Variants in IFI27 observed in about 807,000 individuals in gnomAD.
The protein encoded by IFI27 is interferon alpha-inducible protein 27, mitochondrial.
IFI27 carries 3 observed loss-of-function variants against 8.9 expected under a neutral mutation model. The ratio of observed to expected loss-of-function variants is 0.34; its 90% CI spans 0.15 to 0.87. IFI27 has a LOEUF of 0.87. Ranked by LOEUF, IFI27 falls within the 40% of genes least tolerant of loss-of-function variation. The pLI is 0.51. For synonymous variants in IFI27, 66 were observed against 67.3 expected (o/e 0.98, Z 0.09); for missense variants, 152 against 157.7 (o/e 0.96, Z 0.19).
Position 94,116,218 on chromosome 14 carries a change from G to A in IFI27, c.284-224G>A, listed in dbSNP as rs1335708929. ...GGTGCAGCCTCCTTCCCTGAAGAGCGAGGCTGCTTCTAGCTCTGGAGTTCA... is the reference window on the plus strand; with the variant it reads ...GGTGCAGCCTCCTTCCCTGAAGAGCAAGGCTGCTTCTAGCTCTGGAGTTCA... On this transcript the variant is annotated intron_variant, in intron 4 of 4. Transcript: ENST00000621160. This position sits in a 1 kb window ranked among gnomAD's most constrained non-coding sequence, Gnocchi z 4.3. 1.5e-6 allele frequency: 1 copy of A among 665,808 alleles called. No individual in the cohort carries two copies. The highest frequency in any genetic ancestry group is 1.8e-5 in the African/African-American group (1 of 56,292). 41.2% of individuals were successfully genotyped at this position (665,808 alleles called of 1,614,324 possible).
At chr14:94,114,079 G>C (rs1237298953) in intron 2 of IFI27, 1 of 152,474 alleles carries the variant, frequency 6.6e-6, no homozygotes, top group Non-Finnish European at 1.5e-5. Flanking sequence ...GCAAGGATGA[G>C]TTCTGCCTGG....
chr14:94,107,139 G>A (rs1043145741), upstream of IFI27, among the ~76,000 whole-genome samples: 6 of 151,826 alleles, frequency 4.0e-5, no homozygotes, highest in Admixed American at 6.6e-5. Flanking sequence ...GCACAATCTC[G>A]GTTCACTTCA....
Position 94,111,147 on chromosome 14 carries a change from G to A in IFI27, c.-59+350G>A, listed in dbSNP as rs190406714. Among the ~76,000 whole-genome samples the A allele has an allele frequency of 6.6e-6, 1 of 152,330 alleles. No homozygotes were observed. The highest frequency in any genetic ancestry group is 1.9e-4 in the East Asian group (1 of 5,174). ...TTCCCTATGGAAAGCTTCTGACCTG[G>A]AGCAAATCACTGAGCCAGATCGCGC... On this transcript the variant is annotated intron_variant, in intron 1 of 4. Coordinates refer to ENST00000621160, the Ensembl canonical transcript of IFI27. This position sits in a 1 kb window ranked among gnomAD's most constrained non-coding sequence, Gnocchi z 4.3.
Position 94,115,832 on chromosome 14 carries a change from C to T in IFI27, c.173C>T (p.Ala58Val), listed in dbSNP as rs148184733. Residue 58 changes from alanine (A) to valine (V), a missense_variant, in exon 4 of 5, where the codon GCG becomes GTG. Ala to Val is a moderately conservative substitution (Grantham distance 64). Transcript: ENST00000621160. ...GTGCTCAGTGCCATGGGCTTCACTGCGGCGGGAATCGCCTCGTCCTCCATA... is the reference window on the plus strand; with the variant it reads ...GTGCTCAGTGCCATGGGCTTCACTGTGGCGGGAATCGCCTCGTCCTCCATA... 300 of 1,601,982 alleles carry T rather than the reference C, an allele frequency of 1.9e-4. 1 individual carries two copies. The highest frequency in any genetic ancestry group is 1.5e-4 in the African/African-American group (11 of 74,756).
At chr14:94,114,695 C>G in intron 2 of IFI27, 156 bp from the exon 3 acceptor site, 1 of 695,020 alleles carries the variant, frequency 1.4e-6, no homozygotes. Flanking sequence ...ATTTCCACTT[C>G]CCGAAATGAA....
intron 2 of IFI27, among the ~76,000 whole-genome samples, chr14:94,112,694 T>G (rs574889425): frequency 6.6e-6 from 1 of 152,378 alleles, no homozygotes; most frequent in Admixed American, 6.5e-5. Context: ...TTGCTGACCC[T>G]GTCATCCTCA....
At chr14:94,105,975 A>AG (rs1887009930), upstream of IFI27, 1 of 152,212 alleles carries the variant, frequency 6.6e-6, no homozygotes, top group African/African-American at 2.4e-5. Context: ...TGCTGTAACA[A>AG]AATACCATAG....
upstream of IFI27, among the ~76,000 whole-genome samples, chr14:94,109,441 A>T (rs1333577977): frequency 5.0e-5 from 7 of 141,066 alleles, no homozygotes; most frequent in African/African-American, 1.8e-4. Context: ...GAAGAAAAAA[A>T]GTTTATTGGT....
rs1186947916 is a variant in IFI27 at position 94,111,757 on chromosome 14, C to T, written c.75C>T (p.Ala25=). The change falls in exon 2 of 5, where the codon GCC becomes GCT. Residue 25 remains alanine, a synonymous_variant. Transcript: ENST00000621160. The surrounding 1 kb of genome is among the most constrained non-coding windows in gnomAD (Gnocchi z 4.3). ...TGGTCAGGGTGGCCTCTGGCTCTGC[C>T]GTAGTTTTGCCCCTGGGTGAGTGTT... is the stretch of plus-strand genomic sequence containing the variant. 1.5e-5 allele frequency: 25 copies of T among 1,613,844 alleles called. No individual in the cohort carries two copies. The East Asian group carries it at 2.0e-4, about 13-fold the overall frequency.
chr14:94,115,917 C>G, exon 4 of IFI27: 1 of 1,588,064 alleles, frequency 6.3e-7, no homozygotes, highest in Non-Finnish European at 8.6e-7. Context: ...CCTCGGGCAG[C>G]CTTGTGGCTA....
intron 2 of IFI27, chr14:94,113,594 C>T (rs1379747131): frequency 6.6e-6 from 1 of 152,298 alleles, no homozygotes; most frequent in Admixed American, 6.5e-5. Context: ...AAATAATGGC[C>T]AGGCTACTCC....
Position 94,116,039 on chromosome 14 carries a change from C to G in IFI27, c.283+97C>G, listed in dbSNP as rs1352176089. 8.4e-7 allele frequency: 1 copy of G among 1,191,102 alleles called. No homozygotes were observed. Among genetic ancestry groups the G allele is most frequent in the Non-Finnish European group, 1.2e-6 (1 of 827,656 alleles). 73.8% of individuals were successfully genotyped at this position (1,191,102 alleles called of 1,614,324 possible). A position where few individuals can be genotyped will look rare whatever the true frequency, so the allele number is the denominator to read the frequency against. On this transcript the variant is annotated intron_variant, in intron 4 of 4. Transcript: ENST00000621160. This position sits in a 1 kb window ranked among gnomAD's most constrained non-coding sequence, Gnocchi z 4.3. ...TCTCAACCCTATGAACCTCAATCTC[C>G]CTGTTCCTCTGTCTCTCTCTACACA... is the stretch of plus-strand genomic sequence containing the variant.
intron 4 of IFI27, 28 bp downstream of exon 4, chr14:94,115,970 G>A: frequency 1.3e-6 from 2 of 1,552,176 alleles, no homozygotes; most frequent in South Asian, 1.2e-5. Flanking sequence ...GCTTGCTGGG[G>A]AGGGCGATGA....
Position 94,116,249 on chromosome 14 carries a change from G to T in IFI27, c.284-193G>T. The stretch of plus-strand genomic sequence containing the variant: ...GCTTCTAGCTCTGGAGTTCACCATG[G>T]GGGTTCATGCCTGCAGCAGCCTCTC... On this transcript the variant is annotated intron_variant, in intron 4 of 4. Coordinates refer to ENST00000621160, the Ensembl canonical transcript of IFI27. This position sits in a 1 kb window ranked among gnomAD's most constrained non-coding sequence, Gnocchi z 4.3. 1 of 648,306 alleles carries T rather than the reference G, an allele frequency of 1.5e-6. No homozygotes were observed. The highest frequency in any genetic ancestry group is 2.3e-5 in the Admixed American group (1 of 43,746). 40.2% of individuals were successfully genotyped at this position (648,306 alleles called of 1,614,324 possible). A position where few individuals can be genotyped will look rare whatever the true frequency, so the allele number is the denominator to read the frequency against.
chr14:94,115,757 C>A (rs753192420), intron 3 of IFI27, 24 bp from the exon 4 acceptor site: 6 of 1,599,714 alleles, frequency 3.8e-6, no homozygotes, highest in South Asian at 1.1e-5. Flanking sequence ...GCCCACGCAC[C>A]GACCCAGCTC....
intron 3 of IFI27, 124 bp from the exon 4 acceptor site, chr14:94,115,657 A>T: frequency 2.0e-6 from 2 of 985,816 alleles, no homozygotes; most frequent in Non-Finnish European, 2.9e-6. Context: ...CCGTGCCCAT[A>T]GTCTCTCCCA....
In IFI27 at chr14:94,116,392, G is replaced by A; in HGVS notation, c.284-50G>A. On this transcript the variant is annotated intron_variant, in intron 4 of 4. Transcript: ENST00000621160. This position sits in a 1 kb window ranked among gnomAD's most constrained non-coding sequence, Gnocchi z 4.3. Reference sequence around the variant, plus strand: ...CTGACCCCACAGTCCTGCCCACAGAGCTTCCCCGACAGGCATGTCCCACTC... The same window carrying A: ...CTGACCCCACAGTCCTGCCCACAGAACTTCCCCGACAGGCATGTCCCACTC... The A allele has an allele frequency of 1.5e-6, 2 of 1,358,638 alleles. No homozygotes were observed. The highest frequency in any genetic ancestry group is 2.1e-6 in the Non-Finnish European group (2 of 959,852). 84.2% of individuals were successfully genotyped at this position (1,358,638 alleles called of 1,614,324 possible).
chr14:94,105,924 C>T (rs1887008920), upstream of IFI27: 1 of 152,216 alleles, frequency 6.6e-6, no homozygotes, highest in Non-Finnish European at 1.5e-5. Context: ...CGTGGGTATG[C>T]AAATATCTCT....
At chr14:94,114,977 TG>T in intron 3 of IFI27, 97 bp downstream of exon 3, 1 of 1,152,526 alleles carries the variant, frequency 8.7e-7, no homozygotes, top group Non-Finnish European at 1.3e-6. Flanking sequence ...TTCCCTCACA[TG>T]GGTGGTCAGG....
Sources: allele counts gnomAD v4.1 joint callset (sites outside exome capture counted in the v4.1 genomes callset), GRCh38; gene constraint gnomAD v4.1.1; non-coding constraint Gnocchi (gnomAD v3.1); transcripts MANE v1.5; gene names NCBI Gene and HGNC (gene_info 2026-07-23, HGNC 2026-07-21).